The following TAFA4 variants were observed in gnomAD, a reference collection of about 807,000 sequenced individuals.
TAFA4 encodes TAFA chemokine like family member 4.
TAFA4 carries 20 observed loss-of-function variants against 21.1 expected under a neutral mutation model. That is an observed-to-expected ratio of 0.95 (90% CI 0.67 to 1.38). The LOEUF is 1.38. Ranked by LOEUF, TAFA4 falls within the 40% of genes most tolerant of loss-of-function variation. The pLI, the probability that TAFA4 is intolerant of heterozygous loss-of-function variation, is 0.00. For missense variants in TAFA4, 211 were observed against 180.9 expected, an observed-to-expected ratio of 1.17 and a Z score of -0.95; for synonymous variants, 71 against 67.4, an observed-to-expected ratio of 1.05 and a Z score of -0.26.
chr3:68,916,114 T>C (rs1481277521), intron 1 of TAFA4: 8 of 152,226 alleles, frequency 5.3e-5, no homozygotes, highest in Admixed American at 5.2e-4. Flanking sequence ...TAAGAAATGT[T>C]GTGAGGTTCC....
chr3:68,805,799 C>G lies in TAFA4; in HGVS notation c.131-52781G>C, dbSNP rs959054444. Among the ~76,000 whole-genome samples, 8 of 145,722 alleles carry G rather than the reference C, an allele frequency of 5.5e-5. No homozygotes were observed. In the East Asian group the frequency reaches 1.6e-3, roughly 30 times the overall value. On this transcript the variant is annotated intron_variant, in intron 3 of 5. Transcript: ENST00000295569. ...GAAGGGGAACATCACACTCTGGGGA[C>G]TGTTGTGGGGTGGGGGGAGGAGAGG...
intron 5 of TAFA4, among the ~76,000 whole-genome samples, chr3:68,734,976 T>C (rs939126584): frequency 2.0e-5 from 3 of 152,162 alleles, no homozygotes; most frequent in Non-Finnish European, 4.4e-5. Flanking sequence ...CTTATTTTCC[T>C]TTAAAATTAT....
intron 3 of TAFA4, among the ~76,000 whole-genome samples, chr3:68,758,266 T>G (rs562036661): frequency 6.6e-6 from 1 of 152,348 alleles, no homozygotes; most frequent in South Asian, 2.1e-4. Flanking sequence ...ATTTGTGTAT[T>G]GGTGACAGTG....
chr3:68,735,538 A>G (rs918644375), intron 5 of TAFA4, among the ~76,000 whole-genome samples: 9 of 152,108 alleles, frequency 5.9e-5, no homozygotes, highest in African/African-American at 2.2e-4. Flanking sequence ...AATATCCTAG[A>G]GGTAGAGTTC....
At chr3:68,759,039 G>A (rs1702712519) in intron 3 of TAFA4, among the ~76,000 whole-genome samples, 1 of 152,216 alleles carries the variant, frequency 6.6e-6, no homozygotes, top group African/African-American at 2.4e-5. Context: ...GAGAGCCAAT[G>A]GTGTCATTCC....
intron 3 of TAFA4, among the ~76,000 whole-genome samples, chr3:68,834,219 C>T (rs1456816858): frequency 6.6e-6 from 1 of 152,162 alleles, no homozygotes; most frequent in African/African-American, 2.4e-5. Context: ...CTGTTCTGTT[C>T]CATGTAGTAA....
At chr3:68,811,042 G>A (rs1341660327) in intron 3 of TAFA4, among the ~76,000 whole-genome samples, 1 of 152,160 alleles carries the variant, frequency 6.6e-6, no homozygotes, top group Non-Finnish European at 1.5e-5. Flanking sequence ...AGCCTCCGCT[G>A]CTGATACCCA....
chr3:68,798,966 T>G (rs1236775523), intron 3 of TAFA4, among the ~76,000 whole-genome samples: 3 of 152,218 alleles, frequency 2.0e-5, no homozygotes, highest in Admixed American at 6.5e-5. Context: ...AACTGCAATC[T>G]GTTTTATTGT....
At chr3:68,921,219 T>C (rs1008686052) in intron 1 of TAFA4, among the ~76,000 whole-genome samples, 1 of 152,110 alleles carries the variant, frequency 6.6e-6, no homozygotes, top group Non-Finnish European at 1.5e-5. Context: ...AACACAGCTC[T>C]GGAGACGAAG....
intron 1 of TAFA4, among the ~76,000 whole-genome samples, chr3:68,897,793 T>C (rs373450856): frequency 2.1e-4 from 32 of 152,268 alleles, no homozygotes; most frequent in African/African-American, 7.2e-4. Context: ...AGTCTCTTCA[T>C]TGACTCCCCT....
intron 5 of TAFA4, 42 bp from the exon 6 acceptor site, chr3:68,733,195 C>T (rs1171620155): frequency 6.2e-7 from 1 of 1,604,428 alleles, no homozygotes. Context: ...CACTCTATAC[C>T]CACCGAAATA....
At chr3:68,758,922 A>G (rs1702710212) in intron 3 of TAFA4, among the ~76,000 whole-genome samples, 1 of 152,234 alleles carries the variant, frequency 6.6e-6, no homozygotes, top group South Asian at 2.1e-4. Context: ...GAATTGTCCC[A>G]TGCAATTATG....
intron 1 of TAFA4, among the ~76,000 whole-genome samples, chr3:68,900,491 C>T (rs1213225552): frequency 1.3e-5 from 2 of 152,024 alleles, no homozygotes; most frequent in East Asian, 1.9e-4. Context: ...TAAGTTAACT[C>T]CTACTCATCC....
intron 3 of TAFA4, among the ~76,000 whole-genome samples, chr3:68,804,882 C>G (rs1217165128): frequency 2.0e-5 from 3 of 152,306 alleles, no homozygotes; most frequent in African/African-American, 7.2e-5. Context: ...CCATTCAGGA[C>G]ATAGGCATGG....
At chr3:68,783,594 C>G (rs1426462756) in intron 3 of TAFA4, among the ~76,000 whole-genome samples, 1 of 151,338 alleles carries the variant, frequency 6.6e-6, no homozygotes, top group African/African-American at 2.4e-5. Flanking sequence ...CAGAGTTTCC[C>G]ACCTAGTTTT....
At chr3:68,889,934 T>C (rs983656513) in intron 1 of TAFA4, among the ~76,000 whole-genome samples, 1 of 152,174 alleles carries the variant, frequency 6.6e-6, no homozygotes, top group Non-Finnish European at 1.5e-5. Flanking sequence ...AGGACACATA[T>C]ACGTAGCCAT....
chr3:68,862,077 G>A (rs2089352180), intron 3 of TAFA4, among the ~76,000 whole-genome samples: 1 of 151,522 alleles, frequency 6.6e-6, no homozygotes, highest in Admixed American at 6.6e-5. Context: ...GTTATGACAG[G>A]ACAGCTTCCC....
chr3:68,810,056 G>C (rs987137072), intron 3 of TAFA4, among the ~76,000 whole-genome samples: 2 of 152,016 alleles, frequency 1.3e-5, no homozygotes, highest in Non-Finnish European at 2.9e-5. Flanking sequence ...GACTATTCAG[G>C]GTCTTTTGTG....
At chr3:68,918,459 G>A (rs574288970) in intron 1 of TAFA4, among the ~76,000 whole-genome samples, 33 of 152,134 alleles carry the variant, frequency 2.2e-4, no homozygotes, top group African/African-American at 8.0e-4. Context: ...TTCAAGAAAC[G>A]AAAAAGAAGC....
Sources: allele counts gnomAD v4.1 joint callset (sites outside exome capture counted in the v4.1 genomes callset), GRCh38; gene constraint gnomAD v4.1.1; transcripts MANE v1.5; gene names NCBI Gene and HGNC (gene_info 2026-07-23, HGNC 2026-07-21).